Variants in ARHGEF12 observed in about 807,000 individuals in gnomAD.
ARHGEF12 encodes the protein KMT2A/ARHGEF12 fusion protein.
A neutral mutation model predicts 211.2 loss-of-function variants in ARHGEF12; 66 were observed. The ratio of observed to expected loss-of-function variants is 0.31; its 90% confidence interval spans 0.26 to 0.38. The LOEUF (loss-of-function observed/expected upper bound fraction) is 0.38, where lower values mean the gene tolerates loss of function less well. ARHGEF12 is among the 10% of genes least tolerant of loss of function. The probability of loss-of-function intolerance (pLI) is 1.00; values close to 1 mark genes in which losing one functional copy is unlikely to be tolerated. For synonymous variants in ARHGEF12, 592 were observed against 638.4 expected (o/e 0.93, Z 1.09); for missense variants, 1,429 against 1,869.5 (o/e 0.76, Z 4.34).
chr11:120,337,641 C>T (rs900848315), intron 1 of ARHGEF12: 2 of 985,376 alleles, frequency 2.0e-6, no homozygotes, highest in Middle Eastern at 1.0e-3. Flanking sequence ...TATTATTTAT[C>T]AGCTTTAGCC....
intron 1 of ARHGEF12, among the ~76,000 whole-genome samples, chr11:120,405,530 A>AT (rs1267782075): frequency 2.6e-5 from 4 of 152,092 alleles, no homozygotes; most frequent in African/African-American, 9.7e-5. Flanking sequence ...TTTAATGTTA[A>AT]TTTTTTTCTA....
chr11:120,454,217 G>A (rs1176141790), intron 22 of ARHGEF12, among the ~76,000 whole-genome samples: 3 of 152,120 alleles, frequency 2.0e-5, no homozygotes, highest in South Asian at 4.1e-4. Flanking sequence ...CATTAAACAC[G>A]AACATCATTA....
rs1190617928 is a variant in ARHGEF12, at chr11:120,481,383, A to AC, written c.4361_4362insC (p.Gln1454HisfsTer36). On this transcript the variant is annotated frameshift_variant, in exon 39 of 41. Coordinates refer to ENST00000397843, the MANE Select transcript of ARHGEF12 (RefSeq NM_015313.3). LOFTEE classifies it high-confidence loss of function. ...CCTGCTGTGGAATCCACCCACCAGCAGCAACATTCTCCTCAGAATACTCAC... is the reference window on the plus strand; with the variant it reads ...CCTGCTGTGGAATCCACCCACCAGCACGCAACATTCTCCTCAGAATACTCAC... 3.1e-6 allele frequency: 5 copies of AC among 1,614,226 alleles called. No homozygotes were observed. In the Admixed American group the frequency reaches 8.3e-5, roughly 27 times the overall value.
At position 120,465,337 on chromosome 11, in the gene ARHGEF12, A is replaced by G; in HGVS notation, c.2714A>G (p.Asp905Gly). Reference protein sequence around the residue: ...LEMIKSRQKKDSRFQTFVQDA... With the variant: ...LEMIKSRQKKGSRFQTFVQDA... ...ATGATCAAATCTCGTCAGAAAAAGG[A>G]TTCTCGATTTCAGACTTTTGTGCAA... Residue 905 changes from aspartate to glycine, a missense_variant, in exon 28 of 41, where the codon GAT becomes GGT. Physicochemically the swap from Asp to Gly is moderately conservative, Grantham distance 94. Transcript: ENST00000397843. The G allele has an allele frequency of 6.2e-7, 1 of 1,614,200 alleles. No individual in the cohort carries two copies. The highest frequency in any genetic ancestry group is 8.5e-7 in the Non-Finnish European group (1 of 1,180,038).
rs1053606780 is a variant in ARHGEF12 at position 120,447,172 on chromosome 11, C to T, written c.1589+87C>T. ...TGTCCTTTGGGTAGGTTTAGAAAAA[C>T]TGTCAGATTGTGTATGTGGAGCCGT... On this transcript the variant is annotated intron_variant, in intron 18 of 40. Transcript: ENST00000397843. 9.7e-6 allele frequency: 14 copies of T among 1,448,980 alleles called. No homozygotes were observed. In the Admixed American group the frequency reaches 2.3e-4, roughly 24 times the overall value. 89.8% of individuals were successfully genotyped at this position (1,448,980 alleles called of 1,614,324 possible).
chr11:120,385,236 G>C, intron 1 of ARHGEF12: 1 of 902,296 alleles, frequency 1.1e-6, no homozygotes, highest in Non-Finnish European at 1.3e-6. Flanking sequence ...TAGCAGCGCA[G>C]TGTTGGGCTT....
At chr11:120,459,609 T>C (rs1309008826) in intron 26 of ARHGEF12, among the ~76,000 whole-genome samples, 1 of 152,058 alleles carries the variant, frequency 6.6e-6, no homozygotes, top group Admixed American at 6.6e-5. Flanking sequence ...AGTATATATA[T>C]CTCTTTAAAT....
intron 1 of ARHGEF12, among the ~76,000 whole-genome samples, chr11:120,397,341 G>A (rs943020382): frequency 6.6e-6 from 1 of 152,098 alleles, no homozygotes; most frequent in Non-Finnish European, 1.5e-5. Flanking sequence ...TCTCGGGGAC[G>A]AGTGTGTCCT....
Position 120,407,798 on chromosome 11 carries a change from T to C in ARHGEF12, c.117T>C (p.Ile39=). 1 of 1,613,666 alleles carries C rather than the reference T, an allele frequency of 6.2e-7. No homozygotes were observed. Among genetic ancestry groups the C allele is most frequent in the Middle Eastern group, 1.7e-4 (1 of 6,056 alleles). The change falls in exon 3 of 41, where the codon ATT becomes ATC. Residue 39 remains isoleucine, a synonymous_variant. Transcript: ENST00000397843. ...PTDKKQKVER[I]ASHDFDPTDS... The stretch of plus-strand genomic sequence containing the variant: ...ATAAGAAGCAGAAAGTTGAGCGCAT[T>C]GCATCACATGATTTTGACCCCACAG...
At chr11:120,423,995 T>C (rs980848129) in intron 6 of ARHGEF12, among the ~76,000 whole-genome samples, 1 of 152,222 alleles carries the variant, frequency 6.6e-6, no homozygotes, top group African/African-American at 2.4e-5. Flanking sequence ...TTTTTTATTA[T>C]TAATTTTGAC....
intron 9 of ARHGEF12, 47 bp downstream of exon 9, chr11:120,429,564 G>A (rs538995162): frequency 6.3e-7 from 1 of 1,593,802 alleles, no homozygotes; most frequent in East Asian, 2.2e-5. Context: ...AAAAATGTGA[G>A]TGGGCATGGT....
At chr11:120,365,404 T>C (rs775664488) in intron 1 of ARHGEF12, among the ~76,000 whole-genome samples, 3 of 151,942 alleles carry the variant, frequency 2.0e-5, no homozygotes, top group African/African-American at 2.4e-5. Context: ...GGTGATAGGA[T>C]TGGAGAGGAA....
chr11:120,476,961 T>A (rs764891437), intron 34 of ARHGEF12: 4 of 587,006 alleles, frequency 6.8e-6, no homozygotes, highest in Non-Finnish European at 1.2e-5. Flanking sequence ...AAGAAAAAAT[T>A]GTGCAAAATG....
At chr11:120,350,280 C>G (rs1394638206) in intron 1 of ARHGEF12, among the ~76,000 whole-genome samples, 3 of 151,910 alleles carry the variant, frequency 2.0e-5, no homozygotes, top group African/African-American at 4.8e-5. Flanking sequence ...CTTTGGGAGG[C>G]CGAGGTGGGC....
chr11:120,455,327 T>C (rs1946330647), intron 22 of ARHGEF12, among the ~76,000 whole-genome samples: 2 of 152,148 alleles, frequency 1.3e-5, no homozygotes, highest in South Asian at 4.1e-4. Context: ...CCTTTGAAAC[T>C]GTAGTGCACC....
chr11:120,359,626 A>C (rs1389715157), intron 1 of ARHGEF12, among the ~76,000 whole-genome samples: 1 of 152,256 alleles, frequency 6.6e-6, no homozygotes, highest in African/African-American at 2.4e-5. Context: ...CTAAATGTAT[A>C]GGAATGAGTT....
rs767971342 is a variant in ARHGEF12 at position 120,465,296 on chromosome 11, A to G, written c.2673A>G (p.Gln891=). 6.2e-6 allele frequency: 10 copies of G among 1,613,992 alleles called. No individual in the cohort carries two copies. Among genetic ancestry groups the G allele is most frequent in the Admixed American group, 5.0e-5 (3 of 59,990 alleles). ...CTGCTGCTACCTTTTGCAGTAACCA[A>G]CCTTTCGCCCTGGAAATGATCAAAT... The part of the protein sequence containing the change: ...KHAAATFCSN[Q]PFALEMIKSR... Residue 891 remains glutamine (Q), a synonymous_variant, in exon 28 of 41, where the codon CAA becomes CAG. Coordinates refer to ENST00000397843, the MANE Select transcript of ARHGEF12 (RefSeq NM_015313.3).
chr11:120,466,183 C>G (rs1188701203), intron 28 of ARHGEF12, among the ~76,000 whole-genome samples: 1 of 152,238 alleles, frequency 6.6e-6, no homozygotes, highest in Non-Finnish European at 1.5e-5. Flanking sequence ...GCTGAGATCA[C>G]AGCGTCAGCG....
chr11:120,460,726 T>C lies in ARHGEF12; in HGVS notation c.2582T>C (p.Ile861Thr), dbSNP rs1468867958. The change falls in exon 27 of 41, where the codon ATC (isoleucine) becomes ACC (threonine). Residue 861 changes from isoleucine (I) to threonine (T), a missense_variant. Coordinates refer to ENST00000397843, the MANE Select transcript of ARHGEF12 (RefSeq NM_015313.3). ...CGAAAGAGAAATGAGACCTCTGTTA[T>C]CGATCAGATTGGGGAAGATTTGCTG... is the stretch of plus-strand genomic sequence containing the variant. ...AVRKRNETSVIDQIGEDLLTW... is the reference protein window; with the variant it reads ...AVRKRNETSVTDQIGEDLLTW... The C allele has an allele frequency of 1.2e-6, 2 of 1,613,932 alleles. No homozygotes were observed. The highest frequency in any genetic ancestry group is 1.7e-6 in the Non-Finnish European group (2 of 1,179,930).
Sources: gnomAD v4.1 joint callset for allele counts (sites outside exome capture counted in the v4.1 genomes callset) on GRCh38, gnomAD v4.1.1 for gene constraint, MANE v1.5 for transcripts, NCBI Gene and HGNC (gene_info 2026-07-23, HGNC 2026-07-21) for gene names.